The following RALGAPA1 variants were observed in gnomAD, a reference collection of about 807,000 sequenced individuals.
RALGAPA1 encodes the protein ral GTPase-activating protein subunit alpha-1.
Under a neutral mutation model 269.6 loss-of-function variants are expected in RALGAPA1, and 52 were observed. The observed-to-expected ratio is 0.19, with a 90% CI of 0.15 to 0.24. The LOEUF (loss-of-function observed/expected upper bound fraction) is 0.24. RALGAPA1 is among the 10% of genes least tolerant of loss of function. The probability of loss-of-function intolerance (pLI) is 1.00; values close to 1 mark genes in which losing one functional copy is unlikely to be tolerated. For synonymous variants in RALGAPA1, 817 were observed against 1,008.3 expected, an observed-to-expected ratio of 0.81 and a Z score of 3.60; for missense variants, 1,917 against 3,013.9, an observed-to-expected ratio of 0.64 and a Z score of 8.52.
At chr14:35,614,089 C>G (rs939916444) in intron 35 of RALGAPA1, among the ~76,000 whole-genome samples, 2 of 152,036 alleles carry the variant, frequency 1.3e-5, no homozygotes, top group Non-Finnish European at 2.9e-5. Flanking sequence ...CGAGTGTAGG[C>G]TAGGGCATGG....
In RALGAPA1 at chr14:35,688,931, G is replaced by T. The variant is rs147453109; in HGVS notation, c.3480C>A (p.Ser1160=). 8.0e-7 allele frequency: 1 copy of T among 1,249,114 alleles called. No individual in the cohort carries two copies. Among genetic ancestry groups the T allele is most frequent in the Non-Finnish European group, 1.0e-6 (1 of 997,982 alleles). 77.4% of individuals were successfully genotyped at this position (1,249,114 alleles called of 1,614,324 possible). ...VHVTFRPSTE[S]VQFYNPLENK... ...TTTCCAGAGGATTATAAAACTGAAC[G>T]GACTCAGTGGATGGCCTAAAAGTAA... Residue 1160 remains serine (S), a synonymous_variant, in exon 18 of 42, where the codon TCC becomes TCA. Coordinates refer to ENST00000680220, the MANE Select transcript of RALGAPA1 (RefSeq NM_001346249.2).
At position 35,605,991 on chromosome 14, in the gene RALGAPA1, A is replaced by C. The variant is rs76198001; in HGVS notation, c.6930-282T>G. On this transcript the variant is annotated intron_variant, in intron 35 of 41. Transcript: ENST00000680220. Reference sequence around the variant, plus strand: ...AAGGTAAGAAAGATTTGACAAATGAAGAGAAAGAGCATCAGGAAGGACACA... The same window carrying C: ...AAGGTAAGAAAGATTTGACAAATGACGAGAAAGAGCATCAGGAAGGACACA... Among the ~76,000 whole-genome samples the C allele has an allele frequency of 4.3e-3, 656 of 152,354 alleles. 19 individuals are homozygous for C. The highest frequency in any genetic ancestry group is 0.031 in the Admixed American group (481 of 15,302).
At chr14:35,573,903 A>G (rs954735298) in intron 37 of RALGAPA1, among the ~76,000 whole-genome samples, 1 of 152,156 alleles carries the variant, frequency 6.6e-6, no homozygotes, top group African/African-American at 2.4e-5. Context: ...CAGCTTCCCT[A>G]ATAGGTTTAT....
At chr14:35,707,185 T>C (rs2067884593) in intron 16 of RALGAPA1, 1 of 152,234 alleles carries the variant, frequency 6.6e-6, no homozygotes, top group Admixed American at 6.5e-5. Context: ...CTTTTATATA[T>C]TAATCTGGCA....
chr14:35,623,054 G>C (rs1384180508), intron 35 of RALGAPA1, among the ~76,000 whole-genome samples: 4 of 142,964 alleles, frequency 2.8e-5, no homozygotes, highest in African/African-American at 1.1e-4. Flanking sequence ...TGCACTTCCA[G>C]CCTGGGCAAC....
chr14:35,614,163 A>C (rs1032472079), intron 35 of RALGAPA1, among the ~76,000 whole-genome samples: 4 of 152,172 alleles, frequency 2.6e-5, no homozygotes, highest in Non-Finnish European at 2.9e-5. Flanking sequence ...TGTGTAAAAC[A>C]GTTTGCAGTT....
chr14:35,723,794 A>G (rs184129754), intron 14 of RALGAPA1: 3 of 152,310 alleles, frequency 2.0e-5, no homozygotes, highest in Non-Finnish European at 1.5e-5. Flanking sequence ...AATTAAAAGC[A>G]TTCTGTAATA....
rs191248715 is a variant in RALGAPA1, at chr14:35,598,615, T to C, written c.7054-2826A>G. Among the ~76,000 whole-genome samples the C allele has an allele frequency of 2.2e-3, 335 of 152,222 alleles. 3 individuals are homozygous for C. Among genetic ancestry groups the C allele is most frequent in the African/African-American group, 7.8e-3 (322 of 41,534 alleles). ...TTGCACTTTTAGTAGAGAGGGGGTTTCGCCATGTTGGCCAGGCTGGTCTCG... is the reference window on the plus strand; with the variant it reads ...TTGCACTTTTAGTAGAGAGGGGGTTCCGCCATGTTGGCCAGGCTGGTCTCG... On this transcript the variant is annotated intron_variant, in intron 36 of 41. Transcript: ENST00000680220.
At chr14:35,703,170 T>C (rs1244064869) in intron 16 of RALGAPA1, among the ~76,000 whole-genome samples, 5 of 152,152 alleles carry the variant, frequency 3.3e-5, no homozygotes, top group African/African-American at 1.2e-4. Context: ...TCTGAATGAA[T>C]TCTTTAAAAA....
chr14:35,599,951 T>C (rs181245084), intron 36 of RALGAPA1, among the ~76,000 whole-genome samples: 1 of 152,314 alleles, frequency 6.6e-6, no homozygotes, highest in Admixed American at 6.5e-5. Flanking sequence ...AATTATGATG[T>C]GTGTTACTAT....
At position 35,797,569 on chromosome 14, in the gene RALGAPA1, G is replaced by A. The variant is rs1184404525; in HGVS notation, c.106+11161C>T. ...ATCTCAAAGTAGCTAGAAGAGGCCG[G>A]GTGCAGTGGCTCACGCCTGTAATCC... On this transcript the variant is annotated intron_variant, in intron 1 of 41. Coordinates refer to ENST00000680220, the MANE Select transcript of RALGAPA1 (RefSeq NM_001346249.2). Among the ~76,000 whole-genome samples the A allele has an allele frequency of 5.3e-5, 8 of 151,988 alleles. No homozygotes were observed. The East Asian group carries it at 1.6e-3, about 30-fold the overall frequency.
chr14:35,664,610 T>G, intron 27 of RALGAPA1, 32 bp downstream of exon 27: 1 of 1,536,502 alleles, frequency 6.5e-7, no homozygotes, highest in Non-Finnish European at 8.9e-7. Flanking sequence ...TAAAATCATT[T>G]AAGTGCTAAA....
At chr14:35,641,520 T>C (rs907564485) in intron 31 of RALGAPA1, among the ~76,000 whole-genome samples, 2 of 152,140 alleles carry the variant, frequency 1.3e-5, no homozygotes, top group African/African-American at 2.4e-5. Flanking sequence ...TGAAATTAAA[T>C]AGTTCGGAAT....
intron 39 of RALGAPA1, among the ~76,000 whole-genome samples, chr14:35,560,673 A>G (rs1432861636): frequency 6.6e-6 from 1 of 152,220 alleles, no homozygotes; most frequent in Non-Finnish European, 1.5e-5. Flanking sequence ...ATGTTAACAG[A>G]AATGGAAGTT....
intron 31 of RALGAPA1, among the ~76,000 whole-genome samples, chr14:35,641,289 G>A (rs1387794211): frequency 6.6e-6 from 1 of 152,158 alleles, no homozygotes; most frequent in Non-Finnish European, 1.5e-5. Context: ...AATTGGAAAG[G>A]AAGACATCAA....
At chr14:35,792,397 T>A (rs2076239508) in intron 1 of RALGAPA1, among the ~76,000 whole-genome samples, 1 of 150,970 alleles carries the variant, frequency 6.6e-6, no homozygotes, top group Non-Finnish European at 1.5e-5. Flanking sequence ...CCTCAAGCGA[T>A]CCACCCGCCT....
chr14:35,792,174 T>G (rs1567239289), intron 1 of RALGAPA1, among the ~76,000 whole-genome samples: 1 of 152,040 alleles, frequency 6.6e-6, no homozygotes, highest in Non-Finnish European at 1.5e-5. Context: ...TTGGTTTTTT[T>G]GAGACAGAGT....
intron 21 of RALGAPA1, among the ~76,000 whole-genome samples, chr14:35,682,355 C>T (rs1486060634): frequency 6.6e-6 from 1 of 151,392 alleles, no homozygotes; most frequent in Non-Finnish European, 1.5e-5. Context: ...GGCTGGAGTG[C>T]AGTGGTGTGA....
intron 26 of RALGAPA1, 35 bp downstream of exon 26, chr14:35,671,354 G>A: frequency 6.6e-7 from 1 of 1,525,916 alleles, no homozygotes; most frequent in Non-Finnish European, 8.8e-7. Context: ...CCTGGCTAAA[G>A]TTTGTTATAT....
Sources: gnomAD v4.1 joint callset for allele counts (sites outside exome capture counted in the v4.1 genomes callset) on GRCh38, gnomAD v4.1.1 for gene constraint, MANE v1.5 for transcripts, NCBI Gene and HGNC (gene_info 2026-07-23, HGNC 2026-07-21) for gene names.